NOC3L: variants seen among roughly 807,000 people sequenced by gnomAD.
NOC3L encodes nucleolar complex protein 3 homolog.
NOC3L carries 85 observed loss-of-function variants against 102.5 expected under a neutral mutation model. That is an observed-to-expected ratio of 0.83 (90% CI 0.70 to 0.99). The LOEUF is 0.99. Ranked by LOEUF, NOC3L falls within the 50% of genes least tolerant of loss-of-function variation. The probability of loss-of-function intolerance (pLI) is 0.00; values close to 1 mark genes in which losing one functional copy is unlikely to be tolerated. For synonymous variants in NOC3L, 303 were observed against 309.4 expected, an observed-to-expected ratio of 0.98 and a Z score of 0.22; for missense variants, 878 against 914.9, an observed-to-expected ratio of 0.96 and a Z score of 0.52.
chr10:94,331,541 A>C (rs903256334), downstream of NOC3L: 3 of 152,218 alleles, frequency 2.0e-5, no homozygotes, highest in Non-Finnish European at 4.4e-5. Context: ...CTTTGATCTT[A>C]CATTGGCAGC....
chr10:94,350,169 A>C lies in NOC3L; in HGVS notation c.1072T>G (p.Phe358Val). The C allele has an allele frequency of 6.2e-7, 1 of 1,614,182 alleles. No individual in the cohort carries two copies. Among genetic ancestry groups the C allele is most frequent in the Non-Finnish European group, 8.5e-7 (1 of 1,180,024 alleles). ...ELLVALPHFNFHNNIIVLIVP... is the reference protein window; with the variant it reads ...ELLVALPHFNVHNNIIVLIVP... Reference sequence around the variant, plus strand: ...ATCAATACGATGATGTTGTTGTGAAAGTTAAAATGAGGTAGTGCCACCAAC... The same window carrying C: ...ATCAATACGATGATGTTGTTGTGAACGTTAAAATGAGGTAGTGCCACCAAC... The change falls in exon 9 of 21, where the codon TTT becomes GTT. Residue 358 changes from phenylalanine (F) to valine (V), a missense_variant. Phe to Val is a conservative substitution (Grantham distance 50, BLOSUM62 -1). Transcript: ENST00000371361.
At chr10:94,358,278 T>A in intron 2 of NOC3L, 63 bp from the exon 3 acceptor site, 2 of 924,168 alleles carry the variant, frequency 2.2e-6, no homozygotes, top group Non-Finnish European at 3.4e-6. Context: ...TGTAGAACTC[T>A]CTGCATTTTG....
At chr10:94,344,629 A>C (rs1217592581) in intron 12 of NOC3L, 114 bp from the exon 13 acceptor site, 5 of 728,428 alleles carry the variant, frequency 6.9e-6, no homozygotes, top group Admixed American at 2.8e-5. Flanking sequence ...CCCTCCCCAC[A>C]ATGCAATCTT....
chr10:94,326,797 C>CT, the NOC3L span, among the ~76,000 whole-genome samples: 3 of 151,776 alleles, frequency 2.0e-5, no homozygotes, highest in South Asian at 2.1e-4. Context: ...ATTCACATGA[C>CT]TTTTTTTTTC....
Position 94,334,733 on chromosome 10 carries a change from C to T in NOC3L, c.2190-15G>A, listed in dbSNP as rs1554921876. ...CAGTAGCAGATCTAAATCACAAACA[C>T]AAAAAATGTAAAGATACCACCACAT... On this transcript the variant is annotated splice_polypyrimidine_tract_variant and intron_variant, in intron 19 of 20. Coordinates refer to ENST00000371361, the MANE Select transcript of NOC3L (RefSeq NM_022451.11). The T allele has an allele frequency of 3.8e-6, 6 of 1,574,006 alleles. No homozygotes were observed. Among genetic ancestry groups the T allele is most frequent in the Non-Finnish European group, 5.2e-6 (6 of 1,148,844 alleles).
chr10:94,330,759 T>C (rs771026147), downstream of NOC3L: 2 of 152,156 alleles, frequency 1.3e-5, no homozygotes, highest in African/African-American at 4.8e-5. Context: ...CAATCTGATG[T>C]TGGCTGAAAA....
In NOC3L at chr10:94,344,819, T is replaced by C. The variant is rs920849688; in HGVS notation, c.1470+34A>G. ...TTTCTAGTTTAAACAACTTAACGCA[T>C]TTTAAAAGCATAACAGAATATGAAA... On this transcript the variant is annotated intron_variant, in intron 12 of 20. Transcript: ENST00000371361. 3.4e-6 allele frequency: 5 copies of C among 1,487,828 alleles called. No homozygotes were observed. In the African/African-American group the frequency reaches 5.7e-5, roughly 17 times the overall value. The allele number at this position is 1,487,828 out of a possible 1,614,324, so 92.2% of individuals were successfully genotyped here.
At chr10:94,352,822 A>C (rs1476082805) in intron 7 of NOC3L, 74 bp downstream of exon 7, 1 of 660,864 alleles carries the variant, frequency 1.5e-6, no homozygotes, top group Non-Finnish European at 2.2e-6. Context: ...ACTCTGCCTC[A>C]AAAAAAAAAA....
chr10:94,328,721 T>C (rs2054118533), downstream of NOC3L: 1 of 152,238 alleles, frequency 6.6e-6, no homozygotes, highest in Non-Finnish European at 1.5e-5. Flanking sequence ...AGTTCCTGTA[T>C]TGTGTACCAC....
At chr10:94,347,566 A>G (rs976209557) in intron 10 of NOC3L, among the ~76,000 whole-genome samples, 2 of 152,284 alleles carry the variant, frequency 1.3e-5, no homozygotes, top group Admixed American at 6.5e-5. Flanking sequence ...AATGTTTATA[A>G]TTTTAGCAAT....
intron 14 of NOC3L, among the ~76,000 whole-genome samples, chr10:94,340,906 G>A (rs554753343): frequency 9.9e-5 from 15 of 151,596 alleles, no homozygotes; most frequent in East Asian, 5.8e-4. Context: ...GTGTGAACCC[G>A]GGAGGCGGAG....
rs372206733 is a variant in NOC3L at position 94,357,192 on chromosome 10, G to T, written c.490C>A (p.Gln164Lys). Residue 164 changes from glutamine (Q) to lysine (K), a missense_variant, in exon 4 of 21, where the codon CAG becomes AAG. Gln to Lys is a moderately conservative substitution (Grantham distance 53). Coordinates refer to ENST00000371361, the MANE Select transcript of NOC3L (RefSeq NM_022451.11). The stretch of plus-strand genomic sequence containing the variant: ...GACTCACCTGGCTTCTCCCTAGTCT[G>T]TGGGATTATACCACTTTTATCTTTG... ...PIKDKSGIIP[Q>K]TREKPVTDSN... is the part of the protein sequence containing the mutation. 21 of 1,591,004 alleles carry T rather than the reference G, an allele frequency of 1.3e-5. No individual in the cohort carries two copies. The highest frequency in any genetic ancestry group is 1.8e-5 in the Non-Finnish European group (21 of 1,168,752).
chr10:94,316,663 C>T, the NOC3L span: 1 of 1,613,284 alleles, frequency 6.2e-7, no homozygotes, highest in Non-Finnish European at 8.5e-7. Context: ...TCCAGAGAGC[C>T]ATTGGTCCAG....
downstream of NOC3L, chr10:94,329,804 A>AAAAAAAAC: frequency 6.7e-6 from 1 of 149,418 alleles, no homozygotes; most frequent in Non-Finnish European, 1.5e-5. Flanking sequence ...AAAAAAAAAA[A>AAAAAAAAC]AAAAAAACAC....
intron 13 of NOC3L, among the ~76,000 whole-genome samples, chr10:94,342,553 T>TACAC (rs3052367): frequency 0.059 from 8,698 of 148,110 alleles, 694 homozygotes; most frequent in African/African-American, 0.18. Context: ...TGCATGAAGA[T>TACAC]ACACACACAC....
the NOC3L span, chr10:94,325,583 GA>G: frequency 7.0e-6 from 1 of 143,854 alleles, no homozygotes. Flanking sequence ...CAATGAGAGT[GA>G]AAACTCCGTC....
downstream of NOC3L, chr10:94,328,921 T>C (rs1017913000): frequency 6.6e-6 from 1 of 152,210 alleles, no homozygotes; most frequent in African/African-American, 2.4e-5. Flanking sequence ...AATTGCAATG[T>C]CTTAACAAGA....
At chr10:94,324,550 C>A in the NOC3L span, 2 of 1,613,574 alleles carry the variant, frequency 1.2e-6, no homozygotes, top group Non-Finnish European at 1.7e-6. Context: ...CATCCTTAAG[C>A]TAAAGGAGCA....
At chr10:94,357,571 G>A in intron 3 of NOC3L, 1 of 329,696 alleles carries the variant, frequency 3.0e-6, no homozygotes, top group African/African-American at 2.1e-5. Flanking sequence ...CCCTCTAGAT[G>A]CAAAATAAAG....
Sources: allele counts gnomAD v4.1 joint callset (sites outside exome capture counted in the v4.1 genomes callset), GRCh38; gene constraint gnomAD v4.1.1; transcripts MANE v1.5; gene names NCBI Gene and HGNC (gene_info 2026-07-23, HGNC 2026-07-21).